Variants in USP47 observed in about 807,000 individuals in gnomAD.
USP47 encodes the protein ubiquitin specific peptidase 47.
A neutral mutation model predicts 165.1 loss-of-function variants in USP47; 35 were observed. The observed-to-expected ratio is 0.21, with a 90% CI of 0.16 to 0.28. USP47 has a LOEUF of 0.28. Ranked by LOEUF, USP47 falls within the 10% of genes least tolerant of loss-of-function variation. USP47 has a pLI of 1.00. For missense variants in USP47, 1,277 were observed against 1,607.4 expected (o/e 0.79, Z 3.52); for synonymous variants, 531 against 544.5 (o/e 0.98, Z 0.35).
chr11:11,891,540 G>A (rs1481214762), intron 3 of USP47, among the ~76,000 whole-genome samples: 1 of 152,184 alleles, frequency 6.6e-6, no homozygotes. Flanking sequence ...GTTTTTAAAT[G>A]CATAAGAATT....
At chr11:11,949,324 T>C (rs1278489689) in intron 22 of USP47, among the ~76,000 whole-genome samples, 2 of 152,118 alleles carry the variant, frequency 1.3e-5, no homozygotes, top group Admixed American at 6.6e-5. Context: ...TAACATTCTG[T>C]TATAACATGT....
Position 11,900,191 on chromosome 11 carries a change from C to T in USP47, c.593+2498C>T, listed in dbSNP as rs189516192. Reference sequence around the variant, plus strand: ...TTTTTTTTTTTTTGAGACGGAGTCTCGCTGTCGCCCAGGCTGGAGTGCAGT... The same window carrying T: ...TTTTTTTTTTTTTGAGACGGAGTCTTGCTGTCGCCCAGGCTGGAGTGCAGT... On this transcript the variant is annotated intron_variant, in intron 5 of 27. Coordinates refer to ENST00000527733, the MANE Select transcript of USP47 (RefSeq NM_001282659.2). Among the ~76,000 whole-genome samples, 644 of 125,880 alleles carry T rather than the reference C, an allele frequency of 5.1e-3. 3 individuals are homozygous for T. Among genetic ancestry groups the T allele is most frequent in the Admixed American group, 8.1e-3 (82 of 10,134 alleles). 82.6% of individuals were successfully genotyped at this position (125,880 alleles called of 152,430 possible). A position where few individuals can be genotyped will look rare whatever the true frequency, so the allele number is the denominator to read the frequency against.
At chr11:11,914,155 CTTA>C (rs1427706531) in intron 8 of USP47, among the ~76,000 whole-genome samples, 1 of 152,000 alleles carries the variant, frequency 6.6e-6, no homozygotes, top group East Asian at 1.9e-4. Context: ...GCCAAAAAGA[CTTA>C]TTATATGGCT....
intron 24 of USP47, 32 bp from the exon 25 acceptor site, chr11:11,952,709 T>C (rs746241324): frequency 1.7e-5 from 27 of 1,551,898 alleles, no homozygotes; most frequent in Non-Finnish European, 2.3e-5. Context: ...TCAGAGGAAA[T>C]AGAATGATGA....
At chr11:11,921,413 G>C (rs1327291719) in intron 10 of USP47, among the ~76,000 whole-genome samples, 1 of 151,810 alleles carries the variant, frequency 6.6e-6, no homozygotes, top group Non-Finnish European at 1.5e-5. Context: ...GCTAGATGTG[G>C]ATTCAAATTC....
At chr11:11,893,355 C>T (rs541535999) in intron 4 of USP47, among the ~76,000 whole-genome samples, 2 of 152,112 alleles carry the variant, frequency 1.3e-5, no homozygotes, top group African/African-American at 2.4e-5. Context: ...AACTTCAAAA[C>T]AGGTGATTTT....
intron 14 of USP47, among the ~76,000 whole-genome samples, chr11:11,932,044 T>A (rs1854706095): frequency 6.6e-6 from 1 of 152,192 alleles, no homozygotes; most frequent in African/African-American, 2.4e-5. Context: ...TGTCTCACAG[T>A]TCTGCAGGCT....
chr11:11,930,601 T>A, intron 13 of USP47, 95 bp from the exon 14 acceptor site: 1 of 973,810 alleles, frequency 1.0e-6, no homozygotes, highest in Non-Finnish European at 1.5e-6. Context: ...TCTAATTGTT[T>A]TTTAAAAAAT....
intron 1 of USP47, among the ~76,000 whole-genome samples, chr11:11,879,560 T>A (rs139415239): frequency 1.8e-3 from 270 of 152,240 alleles, no homozygotes; most frequent in Non-Finnish European, 3.0e-3. Flanking sequence ...AACTGTTTCC[T>A]TGTTTTTCCT....
chr11:11,844,724 AT>A (rs933765531), intron 1 of USP47, among the ~76,000 whole-genome samples: 90 of 147,214 alleles, frequency 6.1e-4, no homozygotes, highest in Non-Finnish European at 7.2e-4. Context: ...TAATCTAAAG[AT>A]TTTTTTTTTT....
intron 14 of USP47, among the ~76,000 whole-genome samples, chr11:11,931,722 C>T (rs538228534): frequency 6.6e-6 from 1 of 152,224 alleles, no homozygotes; most frequent in South Asian, 2.1e-4. Flanking sequence ...CAGCTTTTAC[C>T]TTTTACGGAC....
In USP47 at chr11:11,951,921, G is replaced by A. The variant is rs189592184; in HGVS notation, c.3584-820G>A. 4 of 152,236 alleles carry A rather than the reference G, an allele frequency of 2.6e-5. No individual in the cohort carries two copies. The East Asian group carries it at 7.7e-4, about 29-fold the overall frequency. The allele number at this position is 152,236 out of a possible 1,614,324, so 9.4% of individuals were successfully genotyped here. A position where few individuals can be genotyped will look rare whatever the true frequency, so the allele number is the denominator to read the frequency against. ...ATGACAAAGAAGTCACCCTTGTAAG[G>A]ATTGAGTATGTATTAGCAGAGATGG... On this transcript the variant is annotated intron_variant, in intron 24 of 27. Transcript: ENST00000527733.
At position 11,960,144 on chromosome 11, in the gene USP47, C is replaced by T. The variant is rs1399818863; in HGVS notation, c.*3969C>T. 6.6e-6 allele frequency among the ~76,000 whole-genome samples: 1 copy of T among 152,100 alleles called. No homozygotes were observed. ...ATTAAGACAATCTTATCTTAAAGTT[C>T]AGTGGTTTCATTCAAAGCTCCCCTG... On this transcript the variant is annotated 3_prime_UTR_variant, in exon 28 of 28. Transcript: ENST00000527733.
At chr11:11,875,236 ATAATTTT>A (rs1443035303) in intron 1 of USP47, among the ~76,000 whole-genome samples, 2 of 152,186 alleles carry the variant, frequency 1.3e-5, no homozygotes, top group Non-Finnish European at 1.5e-5. Context: ...TTAAATCTTG[ATAATTTT>A]GAATTTTGAT....
At chr11:11,877,769 CTCTCTCTCTCTCTCTCTCTT>C (rs1174097718) in intron 1 of USP47, among the ~76,000 whole-genome samples, 1 of 129,620 alleles carries the variant, frequency 7.7e-6, no homozygotes, top group African/African-American at 3.4e-5. Flanking sequence ...CATAGCCTTT[CTCTCTCTCTCTCTCTCTCTT>C]TCTCTCTCTC....
intron 17 of USP47, among the ~76,000 whole-genome samples, 195 bp downstream of exon 17, chr11:11,936,705 A>G (rs910677517): frequency 6.6e-6 from 1 of 151,950 alleles, no homozygotes; most frequent in African/African-American, 2.4e-5. Context: ...AGTTGTGTAC[A>G]TAATTTTAAA....
intron 8 of USP47, among the ~76,000 whole-genome samples, chr11:11,919,499 T>C (rs936376214): frequency 9.2e-5 from 14 of 151,866 alleles, no homozygotes; most frequent in African/African-American, 3.1e-4. Context: ...TTATATGAAG[T>C]TTCTTACTTC....
Position 11,948,030 on chromosome 11 carries a change from C to T in USP47, c.3177C>T (p.His1059=). 6.2e-7 allele frequency: 1 copy of T among 1,613,830 alleles called. No homozygotes were observed. The highest frequency in any genetic ancestry group is 8.5e-7 in the Non-Finnish European group (1 of 1,179,878). Residue 1059 remains histidine (H), a synonymous_variant, in exon 21 of 28, where the codon CAC becomes CAT. Coordinates refer to ENST00000527733, the MANE Select transcript of USP47 (RefSeq NM_001282659.2). ...LEPFVGVLSS[H]FKVFRVYASN... ...CCTTTGTTGGAGTTTTGTCCTCTCA[C>T]TTCAAGGTCTTTCGAGTGTATGCCA...
intron 10 of USP47, among the ~76,000 whole-genome samples, chr11:11,922,231 A>T (rs892822500): frequency 6.6e-6 from 1 of 151,928 alleles, no homozygotes; most frequent in Non-Finnish European, 1.5e-5. Context: ...CTGTAAAAAG[A>T]CTATCAAGTT....
Sources: gnomAD v4.1 joint callset for allele counts (sites outside exome capture counted in the v4.1 genomes callset) on GRCh38, gnomAD v4.1.1 for gene constraint, MANE v1.5 for transcripts, NCBI Gene and HGNC (gene_info 2026-07-23, HGNC 2026-07-21) for gene names.